The following CHD9NB variants were observed in gnomAD, a reference collection of about 807,000 sequenced individuals.
CHD9NB encodes CHD9 neighbor.
the CHD9NB span, among the ~76,000 whole-genome samples, chr16:53,048,316 G>T: frequency 6.6e-6 from 1 of 151,894 alleles, no homozygotes; most frequent in Non-Finnish European, 1.5e-5. Flanking sequence ...TGCAGTGGGA[G>T]GTCACTGGAA....
At chr16:53,049,735 T>C in the CHD9NB span, among the ~76,000 whole-genome samples, 3 of 152,134 alleles carry the variant, frequency 2.0e-5, no homozygotes, top group African/African-American at 7.2e-5. Flanking sequence ...GAGTACAATT[T>C]AATTCACCAG....
chr16:53,049,922 G>A, the CHD9NB span, among the ~76,000 whole-genome samples: 12 of 152,086 alleles, frequency 7.9e-5, no homozygotes, highest in African/African-American at 2.7e-4. Flanking sequence ...TGCTTCCTGC[G>A]ACCGGGCACG....
the CHD9NB span, among the ~76,000 whole-genome samples, chr16:53,036,989 G>A: frequency 1.3e-5 from 2 of 152,096 alleles, no homozygotes; most frequent in East Asian, 3.9e-4. Context: ...AGGCTGGAAT[G>A]CAGTGGCACG....
At chr16:53,048,532 G>A in the CHD9NB span, among the ~76,000 whole-genome samples, 15 of 152,252 alleles carry the variant, frequency 9.9e-5, no homozygotes, top group African/African-American at 3.4e-4. Context: ...CCTAGTACTC[G>A]AGATCATTTA....
chr16:53,049,620 G>A, the CHD9NB span, among the ~76,000 whole-genome samples: 1 of 152,272 alleles, frequency 6.6e-6, no homozygotes, highest in Non-Finnish European at 1.5e-5. Flanking sequence ...GCTTCCTAGA[G>A]CAGGCCACAT....
chr16:53,044,832 G>C, the CHD9NB span, among the ~76,000 whole-genome samples: 2 of 152,356 alleles, frequency 1.3e-5, 1 homozygote, highest in Admixed American at 1.3e-4. Context: ...GCACAGGGAG[G>C]TTGAGTAATT....
chr16:53,044,338 G>T, the CHD9NB span: 1 of 394,378 alleles, frequency 2.5e-6, no homozygotes, highest in African/African-American at 2.1e-5. Flanking sequence ...CCCCTGTGGG[G>T]TGGGCAGGGC....
chr16:53,051,123 G>A, the CHD9NB span, among the ~76,000 whole-genome samples: 4,533 of 151,880 alleles, frequency 0.03, 205 homozygotes, highest in African/African-American at 0.1. Flanking sequence ...TCCTGACCTC[G>A]TGATCCGCCT....
chr16:53,041,155 T>A, the CHD9NB span, among the ~76,000 whole-genome samples: 1 of 152,328 alleles, frequency 6.6e-6, no homozygotes, highest in South Asian at 2.1e-4. Flanking sequence ...CATGGATGGA[T>A]GATGGATGGA....
At chr16:53,043,186 G>C in the CHD9NB span, 1 of 152,264 alleles carries the variant, frequency 6.6e-6, no homozygotes, top group South Asian at 2.1e-4. Flanking sequence ...AAGAGAGGCT[G>C]ACAGACATGT....
At chr16:53,051,081 G>C in the CHD9NB span, among the ~76,000 whole-genome samples, 1 of 151,940 alleles carries the variant, frequency 6.6e-6, no homozygotes, top group Non-Finnish European at 1.5e-5. Flanking sequence ...TAGAGACAGG[G>C]TTTCACCGTG....
At chr16:53,045,098 T>C in the CHD9NB span, among the ~76,000 whole-genome samples, 1 of 152,062 alleles carries the variant, frequency 6.6e-6, no homozygotes, top group African/African-American at 2.4e-5. Flanking sequence ...CATGCCCAGC[T>C]AAGTTTTGTT....
the CHD9NB span, among the ~76,000 whole-genome samples, chr16:53,048,359 T>C: frequency 4.6e-5 from 7 of 151,036 alleles, no homozygotes; most frequent in East Asian, 8.0e-4. Flanking sequence ...GATTGCAGTG[T>C]GCCAAGATTG....
chr16:53,051,955 A>G, the CHD9NB span, among the ~76,000 whole-genome samples: 1 of 151,408 alleles, frequency 6.6e-6, no homozygotes, highest in East Asian at 1.9e-4. Flanking sequence ...ATTACTTGCT[A>G]ACTCCTCTAC....
chr16:53,036,124 G>C, the CHD9NB span, among the ~76,000 whole-genome samples: 6 of 152,018 alleles, frequency 3.9e-5, no homozygotes, highest in Non-Finnish European at 7.4e-5. Context: ...TATTCAATGC[G>C]CTGCTGTGGT....
the CHD9NB span, among the ~76,000 whole-genome samples, chr16:53,051,803 A>ATATATATATG: frequency 9.9e-6 from 1 of 101,042 alleles, no homozygotes; most frequent in African/African-American, 3.1e-5. Context: ...ATATATATAT[A>ATATATATATG]TATATATAAT....
At chr16:53,039,768 T>C in the CHD9NB span, among the ~76,000 whole-genome samples, 2 of 150,844 alleles carry the variant, frequency 1.3e-5, no homozygotes, top group Non-Finnish European at 2.9e-5. Context: ...CAAAGAAGAC[T>C]CTCAGTGGAC....
At chr16:53,050,072 T>C in the CHD9NB span, among the ~76,000 whole-genome samples, 29 of 151,866 alleles carry the variant, frequency 1.9e-4, no homozygotes, top group Non-Finnish European at 3.1e-4. Context: ...GTCGTGGTGG[T>C]AGGTGCCTGT....
the CHD9NB span, among the ~76,000 whole-genome samples, chr16:53,049,439 G>T: frequency 6.6e-6 from 1 of 152,136 alleles, no homozygotes; most frequent in Admixed American, 6.6e-5. Context: ...GTCTCCCAAA[G>T]TGTTGGGATT....
Sources: allele counts gnomAD v4.1 joint callset (sites outside exome capture counted in the v4.1 genomes callset), GRCh38; gene constraint gnomAD v4.1.1; transcripts MANE v1.5; gene names NCBI Gene and HGNC (gene_info 2026-07-23, HGNC 2026-07-21).